The following CNTN5 variants were observed in gnomAD, a reference collection of about 807,000 sequenced individuals.
CNTN5 encodes contactin-5.
In CNTN5, 77 loss-of-function variants were observed where a neutral mutation model predicts 129.1. The observed-to-expected ratio is 0.60, with a 90% confidence interval of 0.50 to 0.72. The LOEUF is 0.72. Ranked by LOEUF, CNTN5 falls within the 30% of genes least tolerant of loss-of-function variation. The pLI is 0.00. For missense variants in CNTN5, 1,478 were observed against 1,328.8 expected (o/e 1.11, Z -1.75); for synonymous variants, 509 against 465.6 (o/e 1.09, Z -1.20).
chr11:100,324,252 C>T (rs1408813639), intron 21 of CNTN5, among the ~76,000 whole-genome samples: 1 of 152,052 alleles, frequency 6.6e-6, no homozygotes, highest in East Asian at 1.9e-4. Flanking sequence ...ATACAAAGTC[C>T]TTTCTCAGGA....
intron 3 of CNTN5, among the ~76,000 whole-genome samples, chr11:99,817,617 T>TTTTG (rs1946634340): frequency 6.7e-6 from 1 of 149,264 alleles, no homozygotes; most frequent in Non-Finnish European, 1.5e-5. Flanking sequence ...TTTTTTTTTT[T>TTTTG]TTTCCTTTAT....
intron 1 of CNTN5, among the ~76,000 whole-genome samples, chr11:99,038,811 A>C (rs1476533018): frequency 6.6e-6 from 1 of 151,932 alleles, no homozygotes; most frequent in African/African-American, 2.4e-5. Flanking sequence ...CTTTCATTAT[A>C]AAATGTAAGA....
intron 2 of CNTN5, among the ~76,000 whole-genome samples, chr11:99,477,799 G>A (rs1469583421): frequency 1.3e-5 from 2 of 151,108 alleles, no homozygotes; most frequent in African/African-American, 2.4e-5. Context: ...AAAAAAAAAG[G>A]TAATTATTTC....
chr11:100,105,354 T>C (rs928180086), intron 13 of CNTN5, among the ~76,000 whole-genome samples: 2 of 151,992 alleles, frequency 1.3e-5, no homozygotes, highest in African/African-American at 2.4e-5. Flanking sequence ...AGAATTTGCA[T>C]CTGTGTGGAT....
chr11:99,363,872 C>T (rs780550460), intron 2 of CNTN5, among the ~76,000 whole-genome samples: 6 of 152,182 alleles, frequency 3.9e-5, no homozygotes, highest in South Asian at 2.1e-4. Context: ...GTTATCTTGA[C>T]GCTATCACTA....
At chr11:100,291,180 C>T (rs1487590801) in intron 18 of CNTN5, among the ~76,000 whole-genome samples, 1 of 150,394 alleles carries the variant, frequency 6.6e-6, no homozygotes, top group Non-Finnish European at 1.5e-5. Flanking sequence ...CTAGTTCAAC[C>T]ATTGTGGAAG....
chr11:100,133,435 C>G (rs1335615598), intron 13 of CNTN5, among the ~76,000 whole-genome samples: 1 of 152,124 alleles, frequency 6.6e-6, no homozygotes, highest in Non-Finnish European at 1.5e-5. Context: ...CACTGAGATT[C>G]TGCACGCATA....
intron 3 of CNTN5, among the ~76,000 whole-genome samples, chr11:99,722,719 G>A (rs1184390530): frequency 1.3e-5 from 2 of 151,982 alleles, no homozygotes; most frequent in Non-Finnish European, 2.9e-5. Flanking sequence ...ATTTGTCAGA[G>A]AATTTTGCTA....
intron 2 of CNTN5, among the ~76,000 whole-genome samples, chr11:99,342,192 T>G (rs1866543326): frequency 6.6e-6 from 1 of 152,030 alleles, no homozygotes; most frequent in South Asian, 2.1e-4. Context: ...GTAAATAAGA[T>G]TTTACAGACT....
chr11:100,185,489 G>A lies in CNTN5; in HGVS notation c.1581-5637G>A, dbSNP rs114774818. ...AAGTGATAAAGAAGAGCGAGGTCTC[G>A]GTATTTATTTCCTGGCTTCCTACAA... On this transcript the variant is annotated intron_variant, in intron 13 of 24. Transcript: ENST00000524871. Among the ~76,000 whole-genome samples the A allele has an allele frequency of 7.4e-3, 1,125 of 152,122 alleles. 20 individuals carry two copies. The highest frequency in any genetic ancestry group is 0.025 in the African/African-American group (1,035 of 41,486).
At chr11:99,341,554 A>T (rs2136056392) in intron 2 of CNTN5, among the ~76,000 whole-genome samples, 1 of 152,286 alleles carries the variant, frequency 6.6e-6, no homozygotes, top group South Asian at 2.1e-4. Context: ...TTCACCTGTA[A>T]AATTGGAATA....
At chr11:99,398,670 T>C (rs1941649116) in intron 2 of CNTN5, among the ~76,000 whole-genome samples, 1 of 151,966 alleles carries the variant, frequency 6.6e-6, no homozygotes, top group Non-Finnish European at 1.5e-5. Flanking sequence ...TCCATGTCTG[T>C]TCAACACTTG....
At chr11:99,368,123 T>C (rs972465832) in intron 2 of CNTN5, among the ~76,000 whole-genome samples, 2 of 152,148 alleles carry the variant, frequency 1.3e-5, no homozygotes, top group African/African-American at 4.8e-5. Context: ...ATCATAATAA[T>C]ATTGTTGCCC....
intron 21 of CNTN5, among the ~76,000 whole-genome samples, chr11:100,322,662 A>G (rs1195460800): frequency 6.6e-6 from 1 of 152,132 alleles, no homozygotes; most frequent in African/African-American, 2.4e-5. Context: ...AGAATTATCT[A>G]TTTTACCATA....
In CNTN5 at chr11:99,591,179, T is replaced by C. The variant is rs184646795; in HGVS notation, c.55+34910T>C. Among the ~76,000 whole-genome samples, 17 of 152,262 alleles carry C rather than the reference T, an allele frequency of 1.1e-4. No individual in the cohort carries two copies. The East Asian group carries it at 2.9e-3, about 26-fold the overall frequency. ...TTTATCTTAGGCCCGTGTATCTTTT[T>C]GATGGTTCTCTGGAGGGAGGTTGGG... On this transcript the variant is annotated intron_variant, in intron 3 of 24. Transcript: ENST00000524871.
intron 2 of CNTN5, among the ~76,000 whole-genome samples, chr11:99,520,967 T>C (rs1015829557): frequency 2.6e-5 from 4 of 152,094 alleles, no homozygotes; most frequent in Non-Finnish European, 5.9e-5. Context: ...TTCAATTGCA[T>C]AGTAATATGC....
At chr11:100,138,791 G>A (rs2138243911) in intron 13 of CNTN5, among the ~76,000 whole-genome samples, 1 of 152,268 alleles carries the variant, frequency 6.6e-6, no homozygotes, top group East Asian at 1.9e-4. Context: ...ACTGGGTGAA[G>A]AATGAACTGA....
chr11:99,861,016 C>A (rs143280705), intron 6 of CNTN5, among the ~76,000 whole-genome samples: 1 of 128,338 alleles, frequency 7.8e-6, no homozygotes, highest in East Asian at 2.5e-4. Context: ...AGTGCAGTGG[C>A]GCAATCTCAT....
chr11:100,056,113 T>C (rs1268431620), intron 9 of CNTN5, among the ~76,000 whole-genome samples: 1 of 151,730 alleles, frequency 6.6e-6, no homozygotes, highest in African/African-American at 2.4e-5. Context: ...ATTTTTGTCT[T>C]TAAATGTCTA....
Sources: gnomAD v4.1 joint callset for allele counts (sites outside exome capture counted in the v4.1 genomes callset) on GRCh38, gnomAD v4.1.1 for gene constraint, MANE v1.5 for transcripts, NCBI Gene and HGNC (gene_info 2026-07-23, HGNC 2026-07-21) for gene names.